The following DIPK1A variants were observed in gnomAD, a reference collection of about 807,000 sequenced individuals.
DIPK1A encodes the protein family with sequence similarity 69 member A.
Under a neutral mutation model 40.8 loss-of-function variants are expected in DIPK1A, and 27 were observed. The observed-to-expected ratio is 0.66, with a 90% confidence interval of 0.49 to 0.91. The LOEUF is 0.91. Ranked by LOEUF, DIPK1A falls within the 40% of genes least tolerant of loss-of-function variation. The pLI is 0.00. For synonymous variants in DIPK1A, 166 were observed against 171.3 expected (o/e 0.97, Z 0.24); for missense variants, 412 against 505.7 (o/e 0.81, Z 1.78).
intron 1 of DIPK1A, 77 bp downstream of exon 1, chr1:92,961,299 G>A (rs1325647871): frequency 8.9e-7 from 1 of 1,119,562 alleles, no homozygotes; most frequent in Non-Finnish European, 1.2e-6. Context: ...GGAGGGGAGC[G>A]GGCGAGTCCT....
rs1346914286 is a variant in DIPK1A at position 92,847,296 on chromosome 1, G to T, written c.361C>A (p.His121Asn). The part of the protein sequence containing the change: ...VVKCQMEQAL[H>N]LDFGTELEPR... ...TCCAATTCAGTTCCAAAATCAAGATGAAGCGCTTGTTCCATTTGACATTTC... is the reference window on the plus strand; with the variant it reads ...TCCAATTCAGTTCCAAAATCAAGATTAAGCGCTTGTTCCATTTGACATTTC... Residue 121 changes from histidine (H) to asparagine (N), a missense_variant, in exon 4 of 5, where the codon CAT becomes AAT. By Grantham distance (68) the His-to-Asn change is moderately conservative. Transcript: ENST00000370310. The T allele has an allele frequency of 6.2e-7, 1 of 1,612,160 alleles. No individual in the cohort carries two copies. The highest frequency in any genetic ancestry group is 8.5e-7 in the Non-Finnish European group (1 of 1,178,970).
chr1:92,921,287 T>G (rs1335485588), intron 1 of DIPK1A, among the ~76,000 whole-genome samples: 2 of 152,170 alleles, frequency 1.3e-5, no homozygotes, highest in East Asian at 3.8e-4. Flanking sequence ...CAATTGTGTT[T>G]TGGTTTTTAA....
At chr1:92,899,221 G>A (rs1461337740) in intron 1 of DIPK1A, among the ~76,000 whole-genome samples, 1 of 152,122 alleles carries the variant, frequency 6.6e-6, no homozygotes, top group African/African-American at 2.4e-5. Context: ...ATATATCTGA[G>A]TACTACAGTG....
chr1:92,958,191 C>G (rs1427639491), intron 1 of DIPK1A, among the ~76,000 whole-genome samples: 3 of 152,160 alleles, frequency 2.0e-5, no homozygotes, highest in Non-Finnish European at 4.4e-5. Flanking sequence ...TCATGAATGT[C>G]TATTATGGCT....
intron 1 of DIPK1A, among the ~76,000 whole-genome samples, chr1:92,956,227 CA>C (rs1651850954): frequency 6.6e-6 from 1 of 152,100 alleles, no homozygotes; most frequent in Non-Finnish European, 1.5e-5. Context: ...GAGAAGACTA[CA>C]GTGAAGAAAC....
intron 1 of DIPK1A, among the ~76,000 whole-genome samples, chr1:92,886,643 G>A (rs1557469663): frequency 6.6e-6 from 1 of 151,966 alleles, no homozygotes; most frequent in Non-Finnish European, 1.5e-5. Flanking sequence ...ATATTGGATA[G>A]TGATAACAAA....
At position 92,842,188 on chromosome 1, in the gene DIPK1A, A is replaced by G. The variant is rs775526507; in HGVS notation, c.*1195T>C. On this transcript the variant is annotated 3_prime_UTR_variant, in exon 5 of 5. Coordinates refer to ENST00000370310, the MANE Select transcript of DIPK1A (RefSeq NM_001006605.5). Reference sequence around the variant, plus strand: ...GAAATATTTCTTCCATCCATTTATTATAACCAGATGATGAATGGGAAAAGT... The same window carrying G: ...GAAATATTTCTTCCATCCATTTATTGTAACCAGATGATGAATGGGAAAAGT... 6 of 1,018,106 alleles carry G rather than the reference A, an allele frequency of 5.9e-6. No homozygotes were observed. Among genetic ancestry groups the G allele is most frequent in the Non-Finnish European group, 7.1e-6 (6 of 850,386 alleles). 63.1% of individuals were successfully genotyped at this position (1,018,106 alleles called of 1,614,324 possible).
intron 1 of DIPK1A, chr1:92,933,821 C>T (rs1276843650): frequency 6.6e-6 from 1 of 152,150 alleles, no homozygotes; most frequent in Non-Finnish European, 1.5e-5. Flanking sequence ...AAATGCTTGA[C>T]AGTATTGAGA....
chr1:92,869,069 CTGAT>C (rs953593638), intron 2 of DIPK1A, among the ~76,000 whole-genome samples: 2 of 151,492 alleles, frequency 1.3e-5, no homozygotes, highest in Non-Finnish European at 2.9e-5. Flanking sequence ...ATTTAACTGA[CTGAT>C]AGATACCTCT....
At chr1:92,845,830 G>A (rs764331589) in intron 4 of DIPK1A, among the ~76,000 whole-genome samples, 6 of 100,654 alleles carry the variant, frequency 6.0e-5, no homozygotes, top group East Asian at 8.3e-4. Flanking sequence ...GCGAGACTCC[G>A]TCTAAAAAAA....
intron 1 of DIPK1A, among the ~76,000 whole-genome samples, chr1:92,884,951 AT>A (rs1330068219): frequency 6.6e-6 from 1 of 152,224 alleles, no homozygotes; most frequent in Non-Finnish European, 1.5e-5. Context: ...GTTTTAAAAA[AT>A]AATTAACTTT....
chr1:92,867,802 G>A (rs1054696071), intron 2 of DIPK1A, among the ~76,000 whole-genome samples: 16 of 152,034 alleles, frequency 1.1e-4, no homozygotes, highest in Non-Finnish European at 2.2e-4. Flanking sequence ...CACCGTGCCC[G>A]GCCGTAAACT....
chr1:92,879,464 C>T lies in DIPK1A; in HGVS notation c.55-3034G>A, dbSNP rs1571084385. On this transcript the variant is annotated intron_variant, in intron 1 of 4. Transcript: ENST00000370310. ...GAAAAACCCTATGAACTGGACTGCC[C>T]GATGCCTACTTGTCATGACAAAGAA... Among the ~76,000 whole-genome samples, 5 of 152,114 alleles carry T rather than the reference C, an allele frequency of 3.3e-5. No individual in the cohort carries two copies. In the South Asian group the frequency reaches 8.3e-4, roughly 25 times the overall value.
chr1:92,837,623 C>T (rs1457060815), downstream of DIPK1A: 1 of 1,611,848 alleles, frequency 6.2e-7, no homozygotes, highest in East Asian at 2.2e-5. Context: ...AACAGCGTAA[C>T]TCCAGACATG....
chr1:92,938,451 C>A lies in DIPK1A; in HGVS notation c.54+22925G>T, dbSNP rs1426550867. 3.2e-5 allele frequency among the ~76,000 whole-genome samples: 4 copies of A among 125,594 alleles called. No homozygotes were observed. The East Asian group carries it at 6.7e-4, about 21-fold the overall frequency. 82.4% of individuals were successfully genotyped at this position (125,594 alleles called of 152,430 possible). On this transcript the variant is annotated intron_variant, in intron 1 of 4. Transcript: ENST00000370310. ...CACCACTGCACTCCAGCCTGGGCAA[C>A]AGAGCGAGACCTTTACTAAAAAAAA... is the stretch of plus-strand genomic sequence containing the variant.
chr1:92,943,356 G>A (rs1007838328), intron 1 of DIPK1A, among the ~76,000 whole-genome samples: 2 of 152,190 alleles, frequency 1.3e-5, no homozygotes, highest in Non-Finnish European at 2.9e-5. Flanking sequence ...TTCTTGGAAT[G>A]CTAGAGGGAA....
chr1:92,848,096 A>G (rs1687697356), intron 3 of DIPK1A, among the ~76,000 whole-genome samples: 1 of 152,156 alleles, frequency 6.6e-6, no homozygotes, highest in Admixed American at 6.6e-5. Context: ...AGGTACTATC[A>G]TTATACTTAT....
intron 1 of DIPK1A, among the ~76,000 whole-genome samples, chr1:92,946,260 A>G (rs1416160328): frequency 2.0e-5 from 3 of 152,184 alleles, no homozygotes; most frequent in African/African-American, 7.2e-5. Flanking sequence ...TCATAATAAT[A>G]TAATATTATT....
intron 1 of DIPK1A, among the ~76,000 whole-genome samples, chr1:92,929,367 A>G (rs959721151): frequency 6.6e-6 from 1 of 152,142 alleles, no homozygotes; most frequent in Non-Finnish European, 1.5e-5. Context: ...CCATTCTTTT[A>G]GCTTCCACGT....
Sources: allele counts gnomAD v4.1 joint callset (sites outside exome capture counted in the v4.1 genomes callset), GRCh38; gene constraint gnomAD v4.1.1; transcripts MANE v1.5; gene names NCBI Gene and HGNC (gene_info 2026-07-23, HGNC 2026-07-21).